Variants in CADM2 observed in about 807,000 individuals in gnomAD.
The protein encoded by CADM2 is immunoglobulin superfamily member 4D.
CADM2 carries 12 observed loss-of-function variants against 49.8 expected under a neutral mutation model. The observed-to-expected ratio is 0.24, with a 90% CI of 0.15 to 0.39. CADM2 has a LOEUF of 0.39. CADM2 is among the 10% of genes least tolerant of loss of function. The pLI, the probability that CADM2 is intolerant of heterozygous loss-of-function variation, is 1.00. For synonymous variants in CADM2, 214 were observed against 175.4 expected, an observed-to-expected ratio of 1.22 and a Z score of -1.74; for missense variants, 378 against 492.3, an observed-to-expected ratio of 0.77 and a Z score of 2.20.
intron 1 of CADM2, among the ~76,000 whole-genome samples, chr3:85,167,656 TTTTA>T: frequency 6.6e-6 from 1 of 152,330 alleles, no homozygotes; most frequent in African/African-American, 2.4e-5. Context: ...TCTCCATTGA[TTTTA>T]TTTAACAATT....
chr3:85,999,660 AG>A (rs1366279150), intron 8 of CADM2, among the ~76,000 whole-genome samples: 2 of 145,768 alleles, frequency 1.4e-5, no homozygotes, highest in African/African-American at 2.8e-5. Context: ...GAAAGAAAAA[AG>A]AAAGAAAGAA....
At chr3:85,071,309 G>T (rs2036734295) in intron 1 of CADM2, among the ~76,000 whole-genome samples, 2 of 152,042 alleles carry the variant, frequency 1.3e-5, no homozygotes. Flanking sequence ...TCAGGAAAGA[G>T]ATTTGCTTCA....
intron 8 of CADM2, among the ~76,000 whole-genome samples, chr3:85,976,523 G>T (rs998685504): frequency 2.0e-5 from 3 of 151,328 alleles, no homozygotes; most frequent in Non-Finnish European, 3.0e-5. Context: ...GAAATAATGG[G>T]GTGGTCTTTA....
Position 85,357,558 on chromosome 3 carries a change from A to G in CADM2, c.62-368964A>G, listed in dbSNP as rs1011190655. 4.6e-5 allele frequency among the ~76,000 whole-genome samples: 7 copies of G among 152,142 alleles called. No individual in the cohort carries two copies. The East Asian group carries it at 1.4e-3, about 30-fold the overall frequency. On this transcript the variant is annotated intron_variant, in intron 1 of 9. Transcript: ENST00000383699. ...TAATTGGAGAGCAATTACTTTCCAC[A>G]TTTTACAGATAGAAAACTCAAGTTC...
intron 2 of CADM2, among the ~76,000 whole-genome samples, chr3:85,797,088 A>AT (rs1455796266): frequency 3.3e-5 from 5 of 150,310 alleles, no homozygotes; most frequent in Non-Finnish European, 7.4e-5. Context: ...GCAAGAATCC[A>AT]TTTAAAAAAA....
intron 1 of CADM2, among the ~76,000 whole-genome samples, chr3:85,271,225 C>A (rs2043235241): frequency 1.3e-5 from 2 of 151,224 alleles, no homozygotes; most frequent in South Asian, 2.1e-4. Context: ...ATGTTAAAAC[C>A]TTTTGAGTTG....
intron 1 of CADM2, among the ~76,000 whole-genome samples, chr3:85,093,102 C>T (rs907118103): frequency 6.6e-6 from 1 of 152,154 alleles, no homozygotes; most frequent in African/African-American, 2.4e-5. Context: ...GGACAAAATT[C>T]ATAGGTCCAG....
intron 2 of CADM2, among the ~76,000 whole-genome samples, chr3:85,773,571 A>G (rs919834796): frequency 4.6e-5 from 7 of 152,072 alleles, no homozygotes; most frequent in Non-Finnish European, 1.0e-4. Context: ...AAGCATTTGT[A>G]TGATTACTTG....
chr3:85,813,028 A>G (rs1340041119), intron 3 of CADM2, among the ~76,000 whole-genome samples: 1 of 152,172 alleles, frequency 6.6e-6, no homozygotes, highest in Non-Finnish European at 1.5e-5. Context: ...ATGTGTCTTT[A>G]TAGTAGAATA....
intron 1 of CADM2, among the ~76,000 whole-genome samples, chr3:85,564,737 CTG>C (rs1165448715): frequency 6.6e-6 from 1 of 151,912 alleles, no homozygotes; most frequent in Non-Finnish European, 1.5e-5. Flanking sequence ...TACTTAAAGA[CTG>C]TAAATTATAG....
intron 7 of CADM2, among the ~76,000 whole-genome samples, chr3:85,936,984 T>C (rs1487781579): frequency 6.6e-6 from 1 of 151,872 alleles, no homozygotes; most frequent in Non-Finnish European, 1.5e-5. Flanking sequence ...ATTTATGCAA[T>C]TAAACAAGGT....
At chr3:85,105,386 C>T (rs1004242556) in intron 1 of CADM2, among the ~76,000 whole-genome samples, 2 of 152,094 alleles carry the variant, frequency 1.3e-5, no homozygotes, top group Admixed American at 6.5e-5. Flanking sequence ...CAAATCAAAA[C>T]CACAATGAGA....
In CADM2 at chr3:85,006,269, A is replaced by T. The variant is rs115245561; in HGVS notation, c.61+46601A>T. Among the ~76,000 whole-genome samples, 934 of 152,230 alleles carry T rather than the reference A, an allele frequency of 6.1e-3. 16 individuals are homozygous for T. Among genetic ancestry groups the T allele is most frequent in the African/African-American group, 0.022 (894 of 41,538 alleles). On this transcript the variant is annotated intron_variant, in intron 1 of 9. Coordinates refer to ENST00000383699, the MANE Select transcript of CADM2 (RefSeq NM_001167675.2). Reference sequence around the variant, plus strand: ...CTGAAGATTATAATCAAAGGGCATAATTTGTGTGTACCCAGCAGGGAAATC... The same window carrying T: ...CTGAAGATTATAATCAAAGGGCATATTTTGTGTGTACCCAGCAGGGAAATC...
chr3:85,231,291 A>G (rs1323429653), intron 1 of CADM2, among the ~76,000 whole-genome samples: 2 of 152,194 alleles, frequency 1.3e-5, no homozygotes, highest in African/African-American at 4.8e-5. Flanking sequence ...CCAAATTTAT[A>G]AGAGGATGAA....
chr3:86,006,137 C>T (rs1374127663), intron 8 of CADM2, among the ~76,000 whole-genome samples: 2 of 152,270 alleles, frequency 1.3e-5, no homozygotes, highest in Non-Finnish European at 2.9e-5. Flanking sequence ...ATTGAGGTTG[C>T]TTCCAAATCT....
At position 85,206,445 on chromosome 3, in the gene CADM2, C is replaced by T. The variant is rs572610253; in HGVS notation, c.61+246777C>T. ...GCCTCAGCCTCCCGAGTAGCTGGGA[C>T]TACAGGCGCCCGTCACCACGCCCGG... On this transcript the variant is annotated intron_variant, in intron 1 of 9. Coordinates refer to ENST00000383699, the MANE Select transcript of CADM2 (RefSeq NM_001167675.2). Among the ~76,000 whole-genome samples the T allele has an allele frequency of 6.7e-4, 102 of 151,674 alleles. 2 individuals carry two copies. Among genetic ancestry groups the T allele is most frequent in the Non-Finnish European group, 4.6e-4 (31 of 67,942 alleles).
At chr3:85,545,451 T>A (rs1176705968) in intron 1 of CADM2, among the ~76,000 whole-genome samples, 2 of 152,164 alleles carry the variant, frequency 1.3e-5, no homozygotes, top group East Asian at 3.8e-4. Flanking sequence ...CAAGGTCAAA[T>A]AGTTGGTAAG....
intron 8 of CADM2, among the ~76,000 whole-genome samples, chr3:86,009,042 G>C (rs1470254959): frequency 6.7e-6 from 1 of 149,968 alleles, no homozygotes; most frequent in African/African-American, 2.4e-5. Context: ...CATACTGAAG[G>C]CTGAAGAGAT....
At chr3:85,067,430 T>C (rs775950457) in intron 1 of CADM2, among the ~76,000 whole-genome samples, 6 of 152,110 alleles carry the variant, frequency 3.9e-5, no homozygotes, top group Non-Finnish European at 8.8e-5. Flanking sequence ...ATTTATTTTA[T>C]TTTTGCTTGG....
Sources: gnomAD v4.1 joint callset for allele counts (sites outside exome capture counted in the v4.1 genomes callset) on GRCh38, gnomAD v4.1.1 for gene constraint, MANE v1.5 for transcripts, NCBI Gene and HGNC (gene_info 2026-07-23, HGNC 2026-07-21) for gene names.